TCF12: variants seen among roughly 807,000 people sequenced by gnomAD.
TCF12 encodes transcription factor 12.
TCF12 carries 45 observed loss-of-function variants against 86.0 expected under a neutral mutation model. The observed-to-expected ratio is 0.52, with a 90% CI of 0.41 to 0.67. The LOEUF (loss-of-function observed/expected upper bound fraction) is 0.67. Among genes scored for constraint, TCF12 ranks in the 30% least tolerant of loss-of-function variants. The pLI is 0.00. For synonymous variants in TCF12, 330 were observed against 299.6 expected (o/e 1.10, Z -1.05); for missense variants, 881 against 859.9 (o/e 1.02, Z -0.31).
In TCF12 at chr15:57,282,541, C is replaced by T; in HGVS notation, c.2075C>T (p.Thr692Ile). ...SAEPPTTLPGTHPGLSETTNP... is the reference protein window; with the variant it reads ...SAEPPTTLPGIHPGLSETTNP... ...GAGCCGCCAACCACACTGCCAGGAA[C>T]CCATCCTGGGCTTAGTGAAACTACC... The change falls in exon 20 of 21, where the codon ACC (threonine) becomes ATC (isoleucine). Residue 692 changes from threonine to isoleucine, a missense_variant. By Grantham distance (89) the Thr-to-Ile change is moderately conservative. Coordinates refer to ENST00000333725, the MANE Select transcript of TCF12 (RefSeq NM_207037.2). 1 of 1,614,222 alleles carries T rather than the reference C, an allele frequency of 6.2e-7. No individual in the cohort carries two copies. The highest frequency in any genetic ancestry group is 1.3e-5 in the African/African-American group (1 of 75,052).
At chr15:57,280,344 T>C (rs1194923284) in intron 19 of TCF12, among the ~76,000 whole-genome samples, 1 of 152,088 alleles carries the variant, frequency 6.6e-6, no homozygotes, top group Non-Finnish European at 1.5e-5. Context: ...TAACTAAGAG[T>C]GTATCTTTCT....
intron 3 of TCF12, among the ~76,000 whole-genome samples, chr15:56,940,612 T>A (rs1337817713): frequency 6.7e-6 from 1 of 149,216 alleles, no homozygotes; most frequent in Non-Finnish European, 1.5e-5. Flanking sequence ...CTCCTCCTTC[T>A]TCTCCCTCTC....
chr15:56,979,077 T>C (rs2140860959), intron 3 of TCF12, among the ~76,000 whole-genome samples: 1 of 152,336 alleles, frequency 6.6e-6, no homozygotes, highest in Admixed American at 6.5e-5. Flanking sequence ...AGTGTTTGGA[T>C]GGCCGACATT....
At chr15:56,927,022 T>C (rs1171100665) in intron 3 of TCF12, among the ~76,000 whole-genome samples, 1 of 152,082 alleles carries the variant, frequency 6.6e-6, no homozygotes, top group Non-Finnish European at 1.5e-5. Flanking sequence ...GGTGTTAGTG[T>C]AGGGAATAGG....
chr15:57,007,792 C>CTCTTTCTT (rs562497424), intron 3 of TCF12, among the ~76,000 whole-genome samples: 9 of 52,536 alleles, frequency 1.7e-4, no homozygotes, highest in East Asian at 7.5e-4. Flanking sequence ...CTTTCTTTCT[C>CTCTTTCTT]TCTTTCTTTC....
intron 5 of TCF12, among the ~76,000 whole-genome samples, chr15:57,143,161 CAAAA>C (rs34722160): frequency 5.1e-5 from 6 of 116,778 alleles, no homozygotes; most frequent in Admixed American, 1.6e-4. Context: ...CCCCCCCCAC[CAAAA>C]AAAAAAAAAA....
At chr15:57,025,059 T>C (rs1211210338) in intron 3 of TCF12, among the ~76,000 whole-genome samples, 2 of 151,534 alleles carry the variant, frequency 1.3e-5, no homozygotes, top group Non-Finnish European at 2.9e-5. Flanking sequence ...CTATGTGATT[T>C]ATAAGTTTGT....
chr15:57,246,645 A>G (rs1485343631), intron 13 of TCF12, among the ~76,000 whole-genome samples: 2 of 152,094 alleles, frequency 1.3e-5, no homozygotes, highest in African/African-American at 4.8e-5. Context: ...ACAGGGCAAT[A>G]TACCTGATGT....
At chr15:57,250,845 A>G (rs1191174763) in intron 13 of TCF12, among the ~76,000 whole-genome samples, 4 of 151,342 alleles carry the variant, frequency 2.6e-5, no homozygotes, top group South Asian at 2.1e-4. Flanking sequence ...GCAGTGAGCC[A>G]AGATCGTGCC....
At chr15:57,181,300 G>A (rs1350949088) in intron 6 of TCF12, among the ~76,000 whole-genome samples, 2 of 151,408 alleles carry the variant, frequency 1.3e-5, no homozygotes, top group Non-Finnish European at 2.9e-5. Context: ...GTGTTCCCCC[G>A]ACTGACCTCA....
At chr15:57,045,044 A>G (rs550510289) in intron 3 of TCF12, among the ~76,000 whole-genome samples, 1 of 152,362 alleles carries the variant, frequency 6.6e-6, no homozygotes, top group South Asian at 2.1e-4. Context: ...ATAATTGATC[A>G]TTGTAGAAAA....
At chr15:57,123,526 T>G (rs2051389176) in intron 5 of TCF12, among the ~76,000 whole-genome samples, 1 of 152,100 alleles carries the variant, frequency 6.6e-6, no homozygotes, top group Non-Finnish European at 1.5e-5. Flanking sequence ...TTTTTTTTCT[T>G]TTTTTAAGAC....
chr15:57,208,778 G>A (rs1381284181), intron 8 of TCF12, among the ~76,000 whole-genome samples: 2 of 151,736 alleles, frequency 1.3e-5, no homozygotes, highest in African/African-American at 2.4e-5. Flanking sequence ...TGCCATCATA[G>A]CTCGCTGCGG....
At chr15:57,284,731 T>C (rs1201905435) in intron 20 of TCF12, among the ~76,000 whole-genome samples, 2 of 152,216 alleles carry the variant, frequency 1.3e-5, no homozygotes, top group African/African-American at 4.8e-5. Context: ...CTCTAGTTAG[T>C]TCTACCCATT....
At chr15:57,130,913 T>G (rs1436947254) in intron 5 of TCF12, among the ~76,000 whole-genome samples, 1 of 152,158 alleles carries the variant, frequency 6.6e-6, no homozygotes, top group African/African-American at 2.4e-5. Flanking sequence ...AGTCACAAAA[T>G]TGGTAAGTCA....
At chr15:57,165,079 C>T (rs1295743819) in intron 5 of TCF12, among the ~76,000 whole-genome samples, 6 of 151,996 alleles carry the variant, frequency 3.9e-5, no homozygotes, top group African/African-American at 1.4e-4. Context: ...TGAAAGTTCG[C>T]ATCCTTTAAT....
At chr15:56,957,337 T>G (rs552687019) in intron 3 of TCF12, among the ~76,000 whole-genome samples, 2 of 152,338 alleles carry the variant, frequency 1.3e-5, no homozygotes, top group South Asian at 4.1e-4. Context: ...TCCCCCACCT[T>G]CAGAAACTCT....
chr15:57,034,666 T>G (rs1055941718), intron 3 of TCF12, among the ~76,000 whole-genome samples: 1 of 152,234 alleles, frequency 6.6e-6, no homozygotes, highest in African/African-American at 2.4e-5. Flanking sequence ...TTCATACTCA[T>G]GATACAGTGA....
At chr15:57,088,303 C>G (rs868744510) in intron 4 of TCF12, among the ~76,000 whole-genome samples, 3 of 152,196 alleles carry the variant, frequency 2.0e-5, no homozygotes, top group Middle Eastern at 6.8e-3. Flanking sequence ...TGACATTTTC[C>G]CCTTTTGCTC....
Sources: gnomAD v4.1 joint callset for allele counts (sites outside exome capture counted in the v4.1 genomes callset) on GRCh38, gnomAD v4.1.1 for gene constraint, MANE v1.5 for transcripts, NCBI Gene and HGNC (gene_info 2026-07-23, HGNC 2026-07-21) for gene names.